Variants in PATJ observed in about 807,000 individuals in gnomAD.
PATJ encodes PATJ crumbs cell polarity complex component, also known as inaD-like protein.
In PATJ, 190 loss-of-function variants were observed where a neutral mutation model predicts 224.9. That is an observed-to-expected ratio of 0.84 (90% CI 0.75 to 0.95). The LOEUF (loss-of-function observed/expected upper bound fraction) is 0.95, where lower values mean the gene tolerates loss of function less well. Among genes scored for constraint, PATJ ranks in the 40% least tolerant of loss-of-function variants. The pLI is 0.00. For synonymous variants in PATJ, 769 were observed against 820.3 expected, an observed-to-expected ratio of 0.94 and a Z score of 1.07; for missense variants, 2,121 against 2,270.3, an observed-to-expected ratio of 0.93 and a Z score of 1.34.
At chr1:61,817,891 A>G (rs1241290887) in intron 14 of PATJ, among the ~76,000 whole-genome samples, 3 of 152,126 alleles carry the variant, frequency 2.0e-5, no homozygotes, top group Non-Finnish European at 4.4e-5. Context: ...ATAAATGGCT[A>G]TTTAATACTT....
chr1:62,093,414 A>C (rs1335600315), intron 33 of PATJ, among the ~76,000 whole-genome samples: 1 of 152,188 alleles, frequency 6.6e-6, no homozygotes, highest in Non-Finnish European at 1.5e-5. Context: ...ATATTTGATT[A>C]AGTGTTTTAT....
At position 61,828,390 on chromosome 1, in the gene PATJ, C is replaced by G. The variant is rs534000605; in HGVS notation, c.1980+807C>G. 4.2e-4 allele frequency among the ~76,000 whole-genome samples: 59 copies of G among 141,442 alleles called. 1 individual carries two copies. The highest frequency in any genetic ancestry group is 1.6e-3 in the South Asian group (7 of 4,298). The allele number at this position is 141,442 out of a possible 152,430, so 92.8% of individuals were successfully genotyped here. On this transcript the variant is annotated intron_variant, in intron 16 of 43. Transcript: ENST00000642238. Reference sequence around the variant, plus strand: ...TTTATTTTTTTAAAGAGCACTGTTACTATGAAAAGAGTTTTTTTTTTTTTT... The same window carrying G: ...TTTATTTTTTTAAAGAGCACTGTTAGTATGAAAAGAGTTTTTTTTTTTTTT...
intron 20 of PATJ, among the ~76,000 whole-genome samples, chr1:61,872,659 A>T (rs1184362455): frequency 6.6e-6 from 1 of 152,184 alleles, no homozygotes; most frequent in Admixed American, 6.5e-5. Flanking sequence ...TACAAATGTA[A>T]TCAATCTATC....
intron 31 of PATJ, among the ~76,000 whole-genome samples, chr1:62,075,754 T>TA (rs1398425372): frequency 1.1e-4 from 16 of 151,814 alleles, no homozygotes. Flanking sequence ...CCGTCTCTAC[T>TA]AAAAATACAA....
rs75716901 is a variant in PATJ at position 62,095,423 on chromosome 1, C to T, written c.4377+10775C>T. On this transcript the variant is annotated intron_variant, in intron 33 of 43. Transcript: ENST00000642238. ...AAAGGTGGAGAAGATAAGTAACTTT[C>T]CAACTCATCTTGAATCATCTCTGCA... Among the ~76,000 whole-genome samples the T allele has an allele frequency of 3.1e-3, 465 of 152,292 alleles. 18 individuals carry two copies. The East Asian group carries it at 0.079, about 26-fold the overall frequency.
chr1:61,771,681 G>A, intron 6 of PATJ, 55 bp downstream of exon 6: 2 of 1,258,718 alleles, frequency 1.6e-6, no homozygotes, highest in Non-Finnish European at 2.2e-6. Context: ...TTGATCGTAA[G>A]AAGTGTAAAG....
intron 34 of PATJ, among the ~76,000 whole-genome samples, chr1:62,111,071 G>A (rs944416227): frequency 1.3e-5 from 2 of 152,174 alleles, no homozygotes; most frequent in African/African-American, 2.4e-5. Flanking sequence ...ACTTCCATCC[G>A]AGCAGATACC....
intron 24 of PATJ, among the ~76,000 whole-genome samples, 155 bp from the exon 25 acceptor site, chr1:61,908,217 C>T (rs566237262): frequency 6.6e-6 from 1 of 152,274 alleles, no homozygotes; most frequent in East Asian, 1.9e-4. Context: ...TCTAAAATTG[C>T]CAAGCTTTTT....
chr1:61,930,574 G>C (rs1274735185), intron 27 of PATJ, among the ~76,000 whole-genome samples: 2 of 152,112 alleles, frequency 1.3e-5, no homozygotes, highest in South Asian at 4.1e-4. Context: ...AGATACACAT[G>C]GTTTTGGGGG....
At chr1:62,014,234 A>T (rs1646632185) in intron 28 of PATJ, among the ~76,000 whole-genome samples, 1 of 149,246 alleles carries the variant, frequency 6.7e-6, no homozygotes, top group African/African-American at 2.5e-5. Flanking sequence ...ACTTTTTATT[A>T]TTTTTTTGTA....
intron 29 of PATJ, among the ~76,000 whole-genome samples, chr1:62,037,594 C>T (rs3924471): frequency 0.044 from 6,733 of 152,110 alleles, 338 homozygotes; most frequent in East Asian, 0.28. Flanking sequence ...AACAAAACGC[C>T]CCAGACATTA....
At chr1:62,000,193 G>GTTTTTTTTTTT (rs776217887) in intron 28 of PATJ, among the ~76,000 whole-genome samples, 3 of 147,940 alleles carry the variant, frequency 2.0e-5, no homozygotes, top group African/African-American at 7.6e-5. Context: ...CCAGCCTAGA[G>GTTTTTTTTTTT]TTTTTTGTTT....
At chr1:61,874,553 A>G (rs1456125751) in intron 20 of PATJ, among the ~76,000 whole-genome samples, 2 of 152,338 alleles carry the variant, frequency 1.3e-5, no homozygotes, top group East Asian at 3.9e-4. Context: ...CTCTGCCCTC[A>G]TAACTCTATC....
At chr1:61,841,406 G>A (rs940156330) in intron 17 of PATJ, among the ~76,000 whole-genome samples, 1 of 152,058 alleles carries the variant, frequency 6.6e-6, no homozygotes, top group African/African-American at 2.4e-5. Context: ...CATTTGATAG[G>A]TATTGATATA....
At chr1:61,942,390 A>G (rs759990472) in intron 27 of PATJ, among the ~76,000 whole-genome samples, 3 of 152,182 alleles carry the variant, frequency 2.0e-5, no homozygotes, top group African/African-American at 7.2e-5. Flanking sequence ...TAATAAAAAG[A>G]TCCTCAATAT....
At chr1:61,783,461 C>T (rs1433977284) in intron 7 of PATJ, among the ~76,000 whole-genome samples, 1 of 134,762 alleles carries the variant, frequency 7.4e-6, no homozygotes, top group African/African-American at 2.8e-5. Context: ...CAGAGTCTTG[C>T]TCTGTCACTT....
At chr1:62,045,006 T>A (rs961212550) in intron 30 of PATJ, among the ~76,000 whole-genome samples, 16 of 152,084 alleles carry the variant, frequency 1.1e-4, no homozygotes, top group Non-Finnish European at 2.4e-4. Flanking sequence ...TCACCTGAGG[T>A]CAGGAGTTCA....
intron 31 of PATJ, among the ~76,000 whole-genome samples, chr1:62,070,642 A>AT (rs1657225451): frequency 6.6e-6 from 1 of 152,266 alleles, no homozygotes; most frequent in Non-Finnish European, 1.5e-5. Context: ...AGAGGAGGTA[A>AT]TTTTTTTAGT....
chr1:61,974,116 C>G (rs1643979860), intron 27 of PATJ, among the ~76,000 whole-genome samples: 3 of 151,874 alleles, frequency 2.0e-5, no homozygotes, highest in South Asian at 4.1e-4. Flanking sequence ...CCTGGGACCA[C>G]AGTGGGACAT....
Sources: gnomAD v4.1 joint callset for allele counts (sites outside exome capture counted in the v4.1 genomes callset) on GRCh38, gnomAD v4.1.1 for gene constraint, MANE v1.5 for transcripts, NCBI Gene and HGNC (gene_info 2026-07-23, HGNC 2026-07-21) for gene names.